Variants in GRID1 observed in about 807,000 individuals in gnomAD.
GRID1 encodes the protein glutamate ionotropic receptor delta type subunit 1.
In GRID1, 28 loss-of-function variants were observed where a neutral mutation model predicts 98.0. The ratio of observed to expected loss-of-function variants is 0.29; its 90% CI spans 0.21 to 0.39. The LOEUF (loss-of-function observed/expected upper bound fraction) is 0.39. GRID1 is among the 10% of genes least tolerant of loss of function. The probability of loss-of-function intolerance (pLI) is 1.00; values close to 1 mark genes in which losing one functional copy is unlikely to be tolerated. For synonymous variants in GRID1, 553 were observed against 538.5 expected (o/e 1.03, Z -0.37); for missense variants, 1,111 against 1,340.5 (o/e 0.83, Z 2.67).
At chr10:85,953,585 C>T (rs956159545) in intron 4 of GRID1, among the ~76,000 whole-genome samples, 10 of 152,142 alleles carry the variant, frequency 6.6e-5, no homozygotes, top group African/African-American at 2.2e-4. Context: ...CTAAAAAAGC[C>T]TTCTCCACTT....
intron 2 of GRID1, among the ~76,000 whole-genome samples, chr10:86,299,331 C>T (rs199948475): frequency 6.9e-6 from 1 of 145,286 alleles, no homozygotes; most frequent in Non-Finnish European, 1.5e-5. Context: ...TTCTCTATTT[C>T]TTTTTTTTTT....
intron 8 of GRID1, among the ~76,000 whole-genome samples, chr10:85,847,966 A>T (rs779688071): frequency 3.3e-5 from 5 of 152,218 alleles, no homozygotes; most frequent in African/African-American, 4.8e-5. Flanking sequence ...GAGAGGTTAT[A>T]TAAGTTTACA....
At chr10:86,356,892 AG>A (rs1362578648) in intron 2 of GRID1, among the ~76,000 whole-genome samples, 1 of 152,216 alleles carries the variant, frequency 6.6e-6, no homozygotes, top group Admixed American at 6.5e-5. Flanking sequence ...GGGCAGTAGA[AG>A]GCTCAGTGAA....
At chr10:86,208,147 GTCCCCCCACACTC>G (rs1313506128) in intron 2 of GRID1, among the ~76,000 whole-genome samples, 2 of 152,078 alleles carry the variant, frequency 1.3e-5, no homozygotes, top group Non-Finnish European at 2.9e-5. Flanking sequence ...GAAGGGGAGG[GTCCCCCCACACTC>G]TCCAGCAGCA....
intron 3 of GRID1, among the ~76,000 whole-genome samples, chr10:86,196,575 A>T (rs1311544208): frequency 1.3e-5 from 2 of 152,128 alleles, no homozygotes; most frequent in African/African-American, 4.8e-5. Flanking sequence ...GTCTTCCAAC[A>T]CAAGCCAGGC....
At chr10:85,624,966 T>G (rs1296183295) in intron 13 of GRID1, among the ~76,000 whole-genome samples, 1 of 152,168 alleles carries the variant, frequency 6.6e-6, no homozygotes, top group African/African-American at 2.4e-5. Flanking sequence ...ATGTAACAGA[T>G]AGTAATATAA....
chr10:86,184,813 A>T (rs2132003988), intron 3 of GRID1, among the ~76,000 whole-genome samples: 1 of 152,352 alleles, frequency 6.6e-6, no homozygotes, highest in East Asian at 1.9e-4. Context: ...ACTGCAGTAT[A>T]GAAACATCAA....
intron 3 of GRID1, among the ~76,000 whole-genome samples, chr10:86,163,928 G>T (rs760257626): frequency 6.6e-6 from 1 of 152,150 alleles, no homozygotes; most frequent in Non-Finnish European, 1.5e-5. Context: ...TCACCCATCT[G>T]CTTACATCAC....
At chr10:85,713,939 C>A (rs541851721) in intron 12 of GRID1, among the ~76,000 whole-genome samples, 6 of 151,954 alleles carry the variant, frequency 3.9e-5, no homozygotes, top group South Asian at 2.1e-4. Flanking sequence ...AGATCAGGAA[C>A]AAAACAAGGG....
At chr10:85,648,596 G>T (rs953850873) in intron 12 of GRID1, among the ~76,000 whole-genome samples, 2 of 152,030 alleles carry the variant, frequency 1.3e-5, no homozygotes, top group African/African-American at 2.4e-5. Flanking sequence ...CTCATCTCTG[G>T]CTGTTCTCCC....
intron 5 of GRID1, among the ~76,000 whole-genome samples, chr10:85,909,858 A>T (rs1428884675): frequency 6.6e-6 from 1 of 152,222 alleles, no homozygotes; most frequent in Non-Finnish European, 1.5e-5. Flanking sequence ...GGGTATATAC[A>T]TATGCCAAAT....
In GRID1 at chr10:85,936,525, A is replaced by AAAG. The variant is rs1841928247; in HGVS notation, c.727-20287_727-20286insCTT. ...TCTAAAAAAGCACCAAACTAAAAAA[A>AAAG]AAAAAGAAAAAGAGAAAAAATAGAA... On this transcript the variant is annotated intron_variant, in intron 4 of 15. Transcript: ENST00000327946. Among the ~76,000 whole-genome samples, 6 of 152,018 alleles carry AAAG rather than the reference A, an allele frequency of 3.9e-5. No homozygotes were observed. In the South Asian group the frequency reaches 1.2e-3, roughly 32 times the overall value.
At chr10:86,361,231 T>A (rs1374375949) in intron 2 of GRID1, among the ~76,000 whole-genome samples, 1 of 152,216 alleles carries the variant, frequency 6.6e-6, no homozygotes, top group Non-Finnish European at 1.5e-5. Flanking sequence ...TGCTGAGCAC[T>A]GCTCTGCCCC....
chr10:85,909,481 A>C (rs7070785), intron 5 of GRID1, among the ~76,000 whole-genome samples: 1 of 152,228 alleles, frequency 6.6e-6, no homozygotes, highest in Non-Finnish European at 1.5e-5. Flanking sequence ...AATAGCAAAA[A>C]ACCTAAAACA....
chr10:86,363,294 C>G (rs1053291557), intron 2 of GRID1, among the ~76,000 whole-genome samples: 11 of 152,218 alleles, frequency 7.2e-5, no homozygotes, highest in African/African-American at 2.4e-4. Flanking sequence ...CAGCTCCGCT[C>G]CTTTCCTGGG....
chr10:86,302,206 A>C (rs368680857), intron 2 of GRID1, among the ~76,000 whole-genome samples: 19 of 152,308 alleles, frequency 1.2e-4, no homozygotes, highest in African/African-American at 3.6e-4. Flanking sequence ...CCTGGACATG[A>C]ACAGCAGCTC....
chr10:86,105,673 A>G (rs1844373375), intron 4 of GRID1, among the ~76,000 whole-genome samples: 1 of 152,212 alleles, frequency 6.6e-6, no homozygotes, highest in South Asian at 2.1e-4. Flanking sequence ...GCCAAGCACC[A>G]GAGCCGGCAC....
intron 2 of GRID1, among the ~76,000 whole-genome samples, chr10:86,241,767 C>T: frequency 6.6e-6 from 1 of 152,094 alleles, no homozygotes; most frequent in East Asian, 1.9e-4. Flanking sequence ...TGAGACAAAC[C>T]CCCAACCACT....
At chr10:86,075,951 C>G (rs538773486) in intron 4 of GRID1, among the ~76,000 whole-genome samples, 1 of 152,334 alleles carries the variant, frequency 6.6e-6, no homozygotes, top group South Asian at 2.1e-4. Context: ...AAGTTGGGGC[C>G]AAGACTCATG....
Sources: allele counts gnomAD v4.1 joint callset (sites outside exome capture counted in the v4.1 genomes callset), GRCh38; gene constraint gnomAD v4.1.1; transcripts MANE v1.5; gene names NCBI Gene and HGNC (gene_info 2026-07-23, HGNC 2026-07-21).